TENM4: variants seen among roughly 807,000 people sequenced by gnomAD.
TENM4 encodes the protein teneurin transmembrane protein 4, also known as teneurin-4.
A neutral mutation model predicts 243.3 loss-of-function variants in TENM4; 82 were observed. The observed-to-expected ratio is 0.34, with a 90% CI of 0.28 to 0.40. The LOEUF is 0.40. Among genes scored for constraint, TENM4 ranks in the 10% least tolerant of loss-of-function variants. The probability of loss-of-function intolerance (pLI) is 1.00; values close to 1 mark genes in which losing one functional copy is unlikely to be tolerated. For synonymous variants in TENM4, 1,412 were observed against 1,456.3 expected (o/e 0.97, Z 0.69); for missense variants, 3,138 against 3,673.3 (o/e 0.85, Z 3.77).
intron 18 of TENM4, among the ~76,000 whole-genome samples, chr11:78,759,515 A>C (rs1332026019): frequency 6.6e-6 from 1 of 152,202 alleles, no homozygotes; most frequent in African/African-American, 2.4e-5. Context: ...TTACCACCAA[A>C]GCAGTCCCTG....
chr11:79,374,836 C>T (rs1332059194), intron 1 of TENM4, among the ~76,000 whole-genome samples: 2 of 152,128 alleles, frequency 1.3e-5, no homozygotes, highest in Admixed American at 6.5e-5. Flanking sequence ...AAAGTGCTTA[C>T]GAAGCAGGCG....
chr11:79,144,601 A>C (rs1862361135), intron 4 of TENM4, among the ~76,000 whole-genome samples: 1 of 152,112 alleles, frequency 6.6e-6, no homozygotes, highest in Non-Finnish European at 1.5e-5. Context: ...TTCAGCCATA[A>C]AAAATAAAGA....
At chr11:78,693,582 T>C (rs930623729) in intron 28 of TENM4, among the ~76,000 whole-genome samples, 6 of 152,246 alleles carry the variant, frequency 3.9e-5, no homozygotes, top group African/African-American at 1.4e-4. Flanking sequence ...CAATTGACTT[T>C]GCAGCGATGC....
intron 1 of TENM4, among the ~76,000 whole-genome samples, chr11:79,419,221 G>A (rs1446435027): frequency 6.6e-6 from 1 of 152,182 alleles, no homozygotes; most frequent in Non-Finnish European, 1.5e-5. Flanking sequence ...ACCACTCCCA[G>A]CAAGTCATGG....
chr11:78,762,475 C>T (rs1263238786), intron 18 of TENM4, among the ~76,000 whole-genome samples: 2 of 152,176 alleles, frequency 1.3e-5, no homozygotes, highest in African/African-American at 4.8e-5. Context: ...TTGGGGTCCT[C>T]TGCAATGGAA....
At chr11:79,411,972 C>T (rs1306506673) in intron 1 of TENM4, among the ~76,000 whole-genome samples, 1 of 152,198 alleles carries the variant, frequency 6.6e-6, no homozygotes, top group African/African-American at 2.4e-5. Context: ...GCCGATATTC[C>T]TGACTCCAGC....
At position 78,823,913 on chromosome 11, in the gene TENM4, C is replaced by T. The variant is rs995910528; in HGVS notation, c.1682-9518G>A. The stretch of plus-strand genomic sequence containing the variant: ...AGAACTTTTTGTTTTTCAAGTATTT[C>T]CACATACAGTTTTATTTCATTCCTA... On this transcript the variant is annotated intron_variant, in intron 12 of 33. Transcript: ENST00000278550. Among the ~76,000 whole-genome samples, 5 of 152,224 alleles carry T rather than the reference C, an allele frequency of 3.3e-5. 1 individual carries two copies. The South Asian group carries it at 6.2e-4, about 19-fold the overall frequency.
At chr11:79,306,021 G>A (rs567296484) in intron 1 of TENM4, among the ~76,000 whole-genome samples, 1 of 152,346 alleles carries the variant, frequency 6.6e-6, no homozygotes, top group Non-Finnish European at 1.5e-5. Context: ...TGCTGGCGCA[G>A]GGGCTCCTCT....
intron 6 of TENM4, among the ~76,000 whole-genome samples, chr11:79,016,290 A>C (rs1302509005): frequency 6.6e-6 from 1 of 152,118 alleles, no homozygotes; most frequent in Non-Finnish European, 1.5e-5. Context: ...GAGTAGAGAG[A>C]AAAGTGAACC....
Position 78,921,570 on chromosome 11 carries a change from G to A in TENM4, c.494-18047C>T, listed in dbSNP as rs144631219. Among the ~76,000 whole-genome samples, 463 of 152,264 alleles carry A rather than the reference G, an allele frequency of 3.0e-3. 2 individuals carry two copies. Among genetic ancestry groups the A allele is most frequent in the African/African-American group, 0.011 (437 of 41,548 alleles). ...TATGAGCCTGACTGTACAGCATAGC[G>A]GGGCTGTAGCCAAAGCAACCAGGCT... On this transcript the variant is annotated intron_variant, in intron 6 of 33. Coordinates refer to ENST00000278550, the MANE Select transcript of TENM4 (RefSeq NM_001098816.3).
chr11:79,254,980 C>T (rs1163081263), intron 2 of TENM4, among the ~76,000 whole-genome samples: 1 of 152,128 alleles, frequency 6.6e-6, no homozygotes, highest in East Asian at 1.9e-4. Flanking sequence ...GAAAAGTCTT[C>T]CCAGTTCTGG....
chr11:78,688,058 C>T lies in TENM4; in HGVS notation c.5256G>A (p.Leu1752=), dbSNP rs753300683. Residue 1752 remains leucine (L), a synonymous_variant, in exon 29 of 34, where the codon CTG becomes CTA. Transcript: ENST00000278550. ...CCTGGCCCCCACCTGACTTACCTTG[C>T]AGCAGTGTGTAGAAGGCGCCTGAGG... ...LSASGAFYTL[L]QDQVRNSYYI... is the part of the protein sequence containing the mutation. The T allele has an allele frequency of 2.5e-6, 4 of 1,613,556 alleles. No individual in the cohort carries two copies. The East Asian group carries it at 8.9e-5, about 36-fold the overall frequency.
chr11:78,983,743 C>T (rs963326155), intron 6 of TENM4, among the ~76,000 whole-genome samples: 1 of 146,264 alleles, frequency 6.8e-6, no homozygotes, highest in African/African-American at 2.5e-5. Context: ...CCTCTAGAGG[C>T]CTTTGAGGCC....
At chr11:79,182,672 C>T (rs888096023) in intron 3 of TENM4, among the ~76,000 whole-genome samples, 1 of 152,060 alleles carries the variant, frequency 6.6e-6, no homozygotes, top group African/African-American at 2.4e-5. Flanking sequence ...AAAAGACTAT[C>T]TAGTGAAGGA....
intron 6 of TENM4, among the ~76,000 whole-genome samples, chr11:79,001,253 T>G (rs989469796): frequency 6.6e-6 from 1 of 152,008 alleles, no homozygotes; most frequent in Non-Finnish European, 1.5e-5. Flanking sequence ...GGCTGGGACA[T>G]CAGGAAGACT....
chr11:79,264,261 T>C (rs1855846643), intron 2 of TENM4, among the ~76,000 whole-genome samples: 1 of 152,216 alleles, frequency 6.6e-6, no homozygotes, highest in Admixed American at 6.5e-5. Flanking sequence ...ATCTATCTTT[T>C]GGCCTTCCTG....
intron 1 of TENM4, among the ~76,000 whole-genome samples, chr11:79,310,522 A>G (rs1254082434): frequency 6.6e-6 from 1 of 152,200 alleles, no homozygotes; most frequent in Non-Finnish European, 1.5e-5. Context: ...CGATACACCT[A>G]TTTTAGAGGT....
intron 12 of TENM4, among the ~76,000 whole-genome samples, chr11:78,818,110 T>G (rs757396902): frequency 6.6e-6 from 1 of 152,192 alleles, no homozygotes; most frequent in East Asian, 1.9e-4. Flanking sequence ...AATATTTGTT[T>G]CTACTCCTGA....
intron 1 of TENM4, among the ~76,000 whole-genome samples, chr11:79,383,988 A>G (rs1255044139): frequency 6.6e-6 from 1 of 152,144 alleles, no homozygotes; most frequent in Non-Finnish European, 1.5e-5. Flanking sequence ...TAGAATCAAG[A>G]TAACCTGCCC....
Sources: allele counts gnomAD v4.1 joint callset (sites outside exome capture counted in the v4.1 genomes callset), GRCh38; gene constraint gnomAD v4.1.1; transcripts MANE v1.5; gene names NCBI Gene and HGNC (gene_info 2026-07-23, HGNC 2026-07-21).